The following ANKFY1 variants were observed in gnomAD, a reference collection of about 807,000 sequenced individuals.
The protein encoded by ANKFY1 is ankyrin repeat and FYVE domain-containing protein 1.
A neutral mutation model predicts 128.3 loss-of-function variants in ANKFY1; 47 were observed. The ratio of observed to expected loss-of-function variants is 0.37; its 90% CI spans 0.29 to 0.47. ANKFY1 has a LOEUF of 0.47. Ranked by LOEUF, ANKFY1 falls within the 20% of genes least tolerant of loss-of-function variation. The probability of loss-of-function intolerance (pLI) is 1.00; values close to 1 mark genes in which losing one functional copy is unlikely to be tolerated. For missense variants in ANKFY1, 1,222 were observed against 1,510.6 expected (o/e 0.81, Z 3.17); for synonymous variants, 553 against 601.6 (o/e 0.92, Z 1.18).
intron 1 of ANKFY1, among the ~76,000 whole-genome samples, chr17:4,243,330 T>C (rs1459672149): frequency 1.3e-5 from 2 of 151,946 alleles, no homozygotes; most frequent in Admixed American, 6.6e-5. Flanking sequence ...CCTCCCAAAG[T>C]GTCGGGAGTA....
At chr17:4,200,043 G>C (rs1001298890) in intron 7 of ANKFY1, among the ~76,000 whole-genome samples, 6 of 149,102 alleles carry the variant, frequency 4.0e-5, no homozygotes, top group Non-Finnish European at 7.4e-5. Context: ...AGCTCATATC[G>C]GGAAAGTTGG....
Position 4,196,043 on chromosome 17 carries a change from C to G in ANKFY1, c.1104-572G>C, listed in dbSNP as rs867835976. ...TACCCACCCACCCCCCCCACCACCC[C>G]CCACCCACACAGTGAGTCAGGGCCC... On this transcript the variant is annotated intron_variant, in intron 8 of 24. Transcript: ENST00000341657. 9.6e-4 allele frequency among the ~76,000 whole-genome samples: 79 copies of G among 82,168 alleles called. 5 individuals are homozygous for G. The highest frequency in any genetic ancestry group is 1.6e-3 in the Non-Finnish European group (64 of 41,026). The allele number at this position is 82,168 out of a possible 152,430, so 53.9% of individuals were successfully genotyped here.
Position 4,184,993 on chromosome 17 carries a change from T to C in ANKFY1, c.1524A>G (p.Ala508=). Reference sequence around the variant, plus strand: ...GGTTGGCGCCTTGCTGCAGGAGCTCTGCCGTGAGGTTGGCCAGGCCATGCC... The same window carrying C: ...GGTTGGCGCCTTGCTGCAGGAGCTCCGCCGTGAGGTTGGCCAGGCCATGCC... ...ACRHGLANLT[A]ELLQQGANPN... Residue 508 remains alanine (A), a synonymous_variant, in exon 12 of 25, where the codon GCA becomes GCG. Transcript: ENST00000341657. 3 of 1,614,024 alleles carry C rather than the reference T, an allele frequency of 1.9e-6. No homozygotes were observed. The highest frequency in any genetic ancestry group is 1.7e-6 in the Non-Finnish European group (2 of 1,180,040).
rs1185871097 is a variant in ANKFY1, at chr17:4,174,970, C to T, written c.2776-914G>A. Among the ~76,000 whole-genome samples, 3 of 151,332 alleles carry T rather than the reference C, an allele frequency of 2.0e-5. No individual in the cohort carries two copies. The East Asian group carries it at 6.1e-4, about 31-fold the overall frequency. On this transcript the variant is annotated intron_variant, in intron 19 of 24. Transcript: ENST00000341657. Reference sequence around the variant, plus strand: ...TGTCAAACTCCAGGCCTCAAGTGATCCTCCCACCTTGGCCTCCCAAAGTCC... The same window carrying T: ...TGTCAAACTCCAGGCCTCAAGTGATTCTCCCACCTTGGCCTCCCAAAGTCC...
intron 3 of ANKFY1, chr17:4,223,869 C>G (rs1354528755): frequency 1.1e-6 from 1 of 904,512 alleles, no homozygotes; most frequent in East Asian, 2.6e-5. Context: ...AGAAAGGTGC[C>G]TGTCATGGAT....
rs1268996053 is a variant in ANKFY1 at position 4,263,526 on chromosome 17, G to C, written c.10+406C>G. The C allele has an allele frequency of 4.0e-6, 6 of 1,486,560 alleles. No homozygotes were observed. In the African/African-American group the frequency reaches 4.2e-5, roughly 11 times the overall value. 92.1% of individuals were successfully genotyped at this position (1,486,560 alleles called of 1,614,324 possible). Reference sequence around the variant, plus strand: ...GAGACCCACGCTCTTCCGCAAGCGAGGGATGGACCCCTTCCGGATGCAGAA... The same window carrying C: ...GAGACCCACGCTCTTCCGCAAGCGACGGATGGACCCCTTCCGGATGCAGAA... On this transcript the variant is annotated intron_variant, in intron 1 of 24. Transcript: ENST00000341657.
At position 4,242,357 on chromosome 17, in the gene ANKFY1, G is replaced by A. The variant is rs368700871; in HGVS notation, c.102C>T (p.Cys34=). ...QKKLAETEKR[C]ALLAAQANKE... The stretch of plus-strand genomic sequence containing the variant: ...TGTTTGCCTGCGCAGCCAAGAGAGC[G>A]CAGCGCTTCTCTGTCTCCGCCAGCT... The change falls in exon 2 of 25, where the codon TGC becomes TGT. Residue 34 remains cysteine, a synonymous_variant. Transcript: ENST00000341657. 48 of 1,604,048 alleles carry A rather than the reference G, an allele frequency of 3.0e-5. No homozygotes were observed. Among genetic ancestry groups the A allele is most frequent in the African/African-American group, 2.3e-4 (17 of 74,298 alleles).
intron 19 of ANKFY1, among the ~76,000 whole-genome samples, chr17:4,176,511 T>C (rs2059413890): frequency 1.3e-5 from 2 of 152,214 alleles, no homozygotes; most frequent in African/African-American, 2.4e-5. Context: ...CACCCCACGA[T>C]CTGCTTTCTT....
chr17:4,217,608 G>A (rs1598094291), intron 3 of ANKFY1, among the ~76,000 whole-genome samples: 2 of 152,198 alleles, frequency 1.3e-5, no homozygotes, highest in Non-Finnish European at 2.9e-5. Flanking sequence ...TGGGCAGTGA[G>A]TGAGGAAATA....
intron 3 of ANKFY1, among the ~76,000 whole-genome samples, chr17:4,230,018 C>T (rs1453371297): frequency 1.3e-5 from 2 of 152,100 alleles, no homozygotes; most frequent in South Asian, 2.1e-4. Context: ...CTAAACTTCC[C>T]GTGGATGTCA....
At chr17:4,197,797 G>C (rs1481008567) in intron 7 of ANKFY1, among the ~76,000 whole-genome samples, 1 of 152,180 alleles carries the variant, frequency 6.6e-6, no homozygotes, top group Non-Finnish European at 1.5e-5. Flanking sequence ...GTTACCACTT[G>C]TCCTGCCTCC....
intron 13 of ANKFY1, 21 bp downstream of exon 13, chr17:4,183,791 G>A (rs2059560006): frequency 6.3e-7 from 1 of 1,592,876 alleles, no homozygotes; most frequent in East Asian, 2.2e-5. Flanking sequence ...GCAGACATCA[G>A]CGGCCCCGGC....
rs1295463653 is a variant in ANKFY1 at position 4,194,212 on chromosome 17, G to A, written c.1372+766C>T. ...CAACCTCTGCCTCCCAGTTTCAAGC[G>A]ATTCTCCGGCCTTTCCTGAGTAGCT... On this transcript the variant is annotated intron_variant, in intron 10 of 24. Transcript: ENST00000341657. Among the ~76,000 whole-genome samples, 5 of 147,370 alleles carry A rather than the reference G, an allele frequency of 3.4e-5. 1 individual carries two copies. The highest frequency in any genetic ancestry group is 4.2e-4 in the South Asian group (2 of 4,726).
intron 3 of ANKFY1, among the ~76,000 whole-genome samples, chr17:4,233,375 A>T (rs2060547235): frequency 6.6e-6 from 1 of 152,174 alleles, no homozygotes. Flanking sequence ...TTTAAAAAAA[A>T]AAAAAGCTAT....
At chr17:4,192,639 C>G (rs1006257347) in intron 10 of ANKFY1, among the ~76,000 whole-genome samples, 1 of 152,156 alleles carries the variant, frequency 6.6e-6, no homozygotes. Flanking sequence ...CTGGAGACTC[C>G]GAATTCCATG....
rs148595770 is a variant in ANKFY1, at chr17:4,225,681, C to A, written c.323-8563G>T. 1.4e-4 allele frequency among the ~76,000 whole-genome samples: 21 copies of A among 152,202 alleles called. No individual in the cohort carries two copies. In the East Asian group the frequency reaches 4.1e-3, roughly 29 times the overall value. On this transcript the variant is annotated intron_variant, in intron 3 of 24. Coordinates refer to ENST00000341657, the MANE Select transcript of ANKFY1 (RefSeq NM_001330063.2). ...AAAAGCAGCTGAACTGAGAGGGAGG[C>A]GAAACTTGAAGCAGCAACTGCACTG...
intron 1 of ANKFY1, among the ~76,000 whole-genome samples, chr17:4,262,235 CA>C (rs1458005748): frequency 1.3e-5 from 2 of 152,284 alleles, no homozygotes; most frequent in African/African-American, 4.8e-5. Flanking sequence ...CTCCCGGATT[CA>C]AATGATCCTC....
At position 4,255,373 on chromosome 17, in the gene ANKFY1, A is replaced by G. The variant is rs1471988322; in HGVS notation, c.10+8559T>C. 2.7e-5 allele frequency among the ~76,000 whole-genome samples: 4 copies of G among 150,484 alleles called. No individual in the cohort carries two copies. The East Asian group carries it at 7.8e-4, about 29-fold the overall frequency. ...GCAATCCTCCTGCCTCAGCCTCCTGAAGCAGCTGAGATTACAGGCGCCTGC... is the reference window on the plus strand; with the variant it reads ...GCAATCCTCCTGCCTCAGCCTCCTGGAGCAGCTGAGATTACAGGCGCCTGC... On this transcript the variant is annotated intron_variant, in intron 1 of 24. Coordinates refer to ENST00000341657, the MANE Select transcript of ANKFY1 (RefSeq NM_001330063.2).
intron 3 of ANKFY1, among the ~76,000 whole-genome samples, chr17:4,227,337 A>G (rs1267401283): frequency 6.6e-6 from 1 of 152,228 alleles, no homozygotes; most frequent in Non-Finnish European, 1.5e-5. Context: ...ATCCAACAAC[A>G]TACATAAAAA....
Sources: gnomAD v4.1 joint callset for allele counts (sites outside exome capture counted in the v4.1 genomes callset) on GRCh38, gnomAD v4.1.1 for gene constraint, MANE v1.5 for transcripts, NCBI Gene and HGNC (gene_info 2026-07-23, HGNC 2026-07-21) for gene names.